Variants in TSPAN8 observed in about 807,000 individuals in gnomAD.
TSPAN8 encodes tetraspanin-8.
In TSPAN8, 21 loss-of-function variants were observed where a neutral mutation model predicts 32.8. The ratio of observed to expected loss-of-function variants is 0.64; its 90% CI spans 0.45 to 0.92. The LOEUF is 0.92. Ranked by LOEUF, TSPAN8 falls within the 40% of genes least tolerant of loss-of-function variation. The pLI is 0.00. For synonymous variants in TSPAN8, 95 were observed against 94.6 expected, an observed-to-expected ratio of 1.00 and a Z score of -0.03; for missense variants, 269 against 281.9, an observed-to-expected ratio of 0.95 and a Z score of 0.33.
chr12:71,125,383 A>G lies in TSPAN8; in HGVS notation c.665T>C (p.Leu222Pro), dbSNP rs1424716198. The stretch of plus-strand genomic sequence containing the variant: ...CAGGACCATAGAAAACACCAAACCC[A>G]GTATCTAGAGAACAAAATAACAGGA... Reference protein sequence around the residue: ...ISFGLAVIEILGLVFSMVLYC... With the variant: ...ISFGLAVIEIPGLVFSMVLYC... Residue 222 changes from leucine to proline, a missense_variant, in exon 9 of 9, where the codon CTG (leucine) becomes CCG (proline). By Grantham distance (98) the Leu-to-Pro change is moderately conservative (BLOSUM62 -3). Coordinates refer to ENST00000247829, the MANE Select transcript of TSPAN8 (RefSeq NM_004616.3). 1 of 1,611,736 alleles carries G rather than the reference A, an allele frequency of 6.2e-7. No homozygotes were observed. Among genetic ancestry groups the G allele is most frequent in the Non-Finnish European group, 8.5e-7 (1 of 1,179,160 alleles).
chr12:71,143,461 T>G (rs1177976343), intron 3 of TSPAN8, among the ~76,000 whole-genome samples: 2 of 152,142 alleles, frequency 1.3e-5, no homozygotes, highest in Non-Finnish European at 2.9e-5. Flanking sequence ...CCTCCAGACC[T>G]GTAGATCTGG....
At chr12:71,134,963 C>A (rs1384082108) in intron 6 of TSPAN8, among the ~76,000 whole-genome samples, 1 of 152,122 alleles carries the variant, frequency 6.6e-6, no homozygotes, top group African/African-American at 2.4e-5. Flanking sequence ...TGATACAACG[C>A]CTCTAGACAA....
intron 8 of TSPAN8, among the ~76,000 whole-genome samples, chr12:71,128,132 C>A (rs1871400519): frequency 6.6e-6 from 1 of 152,088 alleles, no homozygotes; most frequent in Non-Finnish European, 1.5e-5. Context: ...TATATCAGAC[C>A]TAAAGAAAGA....
chr12:71,133,337 A>C (rs1222251468), intron 6 of TSPAN8, among the ~76,000 whole-genome samples: 1 of 152,120 alleles, frequency 6.6e-6, no homozygotes, highest in Non-Finnish European at 1.5e-5. Flanking sequence ...TGTCCACCTC[A>C]GCCTCCCAAA....
At chr12:71,155,873 A>G (rs1370146151) in intron 2 of TSPAN8, among the ~76,000 whole-genome samples, 1 of 151,894 alleles carries the variant, frequency 6.6e-6, no homozygotes, top group Non-Finnish European at 1.5e-5. Context: ...CTGGGACTAC[A>G]GGGGCGTGCC....
chr12:71,134,504 C>T (rs1367883767), intron 6 of TSPAN8, among the ~76,000 whole-genome samples: 1 of 152,138 alleles, frequency 6.6e-6, no homozygotes, highest in African/African-American at 2.4e-5. Context: ...GACTGAGTTA[C>T]ACAAAAACAT....
At chr12:71,135,510 G>A (rs528215358) in intron 6 of TSPAN8, among the ~76,000 whole-genome samples, 1 of 63,728 alleles carries the variant, frequency 1.6e-5, no homozygotes, top group Non-Finnish European at 4.0e-5. Context: ...GGAAGAAGGA[G>A]GAGGAGAAGG....
At position 71,146,397 on chromosome 12, in the gene TSPAN8, T is replaced by C. The variant is rs1282921978; in HGVS notation, c.61-2184A>G. 3.3e-5 allele frequency among the ~76,000 whole-genome samples: 5 copies of C among 152,192 alleles called. No homozygotes were observed. The South Asian group carries it at 1.0e-3, about 32-fold the overall frequency. ...TGACTTTGAAAGTCAATTTATTTTCTATCAAGAATGACCATCCTAGAGTCA... is the reference window on the plus strand; with the variant it reads ...TGACTTTGAAAGTCAATTTATTTTCCATCAAGAATGACCATCCTAGAGTCA... On this transcript the variant is annotated intron_variant, in intron 2 of 8. Coordinates refer to ENST00000247829, the MANE Select transcript of TSPAN8 (RefSeq NM_004616.3).
intron 2 of TSPAN8, among the ~76,000 whole-genome samples, chr12:71,149,745 C>A (rs1872188227): frequency 6.6e-6 from 1 of 152,304 alleles, no homozygotes; most frequent in South Asian, 2.1e-4. Context: ...CCTCAGGACC[C>A]TGTGATAATT....
intron 3 of TSPAN8, among the ~76,000 whole-genome samples, chr12:71,142,105 C>T (rs1871920511): frequency 6.6e-6 from 1 of 152,182 alleles, no homozygotes; most frequent in Non-Finnish European, 1.5e-5. Flanking sequence ...ACAAAAAATT[C>T]AGCTCTTTGC....
At chr12:71,131,430 T>G (rs1022662077) in intron 7 of TSPAN8, among the ~76,000 whole-genome samples, 3 of 152,100 alleles carry the variant, frequency 2.0e-5, no homozygotes, top group African/African-American at 7.2e-5. Flanking sequence ...GTGAAAAAGA[T>G]CAGTAGTCAA....
At chr12:71,151,067 T>C (rs1872237193) in intron 2 of TSPAN8, among the ~76,000 whole-genome samples, 1 of 114,718 alleles carries the variant, frequency 8.7e-6, no homozygotes. Context: ...GTGCATCTTA[T>C]TTTTTTTTTT....
chr12:71,156,011 G>A (rs914389095), intron 2 of TSPAN8, among the ~76,000 whole-genome samples: 5 of 151,974 alleles, frequency 3.3e-5, no homozygotes, highest in Non-Finnish European at 7.4e-5. Context: ...GATTACAGGC[G>A]TGAGCCACTG....
At chr12:71,127,575 T>C (rs1465438951) in intron 8 of TSPAN8, among the ~76,000 whole-genome samples, 4 of 152,202 alleles carry the variant, frequency 2.6e-5, no homozygotes, top group Non-Finnish European at 2.9e-5. Flanking sequence ...AATTACTGTA[T>C]AGAATGTTTG....
rs1263672219 is a variant in TSPAN8 at position 71,157,977 on chromosome 12, C to T, written c.-157G>A. On this transcript the variant is annotated 5_prime_UTR_variant, in exon 1 of 9. Transcript: ENST00000247829. Reference sequence around the variant, plus strand: ...ATCTCCAGGCAAGTATGTTCCTTTGCTTGTCATAGCTCCTGGGGCACTGGG... The same window carrying T: ...ATCTCCAGGCAAGTATGTTCCTTTGTTTGTCATAGCTCCTGGGGCACTGGG... 2.9e-6 allele frequency: 1 copy of T among 342,700 alleles called. No homozygotes were observed. The highest frequency in any genetic ancestry group is 2.1e-5 in the African/African-American group (1 of 48,286). 21.2% of individuals were successfully genotyped at this position (342,700 alleles called of 1,614,324 possible). A position where few individuals can be genotyped will look rare whatever the true frequency, so the allele number is the denominator to read the frequency against.
At chr12:71,152,558 A>T (rs1486889188) in intron 2 of TSPAN8, among the ~76,000 whole-genome samples, 1 of 152,200 alleles carries the variant, frequency 6.6e-6, no homozygotes, top group Non-Finnish European at 1.5e-5. Flanking sequence ...ACAGATGAGG[A>T]CAAATAAAGC....
intron 6 of TSPAN8, among the ~76,000 whole-genome samples, chr12:71,135,297 G>C (rs1871654778): frequency 7.4e-6 from 1 of 134,316 alleles, no homozygotes; most frequent in Non-Finnish European, 1.6e-5. Flanking sequence ...GAAGAAGGAG[G>C]AGGGGGAGGG....
chr12:71,129,490 C>T, intron 7 of TSPAN8, 76 bp from the exon 8 acceptor site: 4 of 1,371,424 alleles, frequency 2.9e-6, no homozygotes, highest in Non-Finnish European at 2.9e-6. Context: ...TTTTATTAAT[C>T]TGGTTGACTT....
chr12:71,151,295 C>A (rs1315665305), intron 2 of TSPAN8, among the ~76,000 whole-genome samples: 1 of 152,110 alleles, frequency 6.6e-6, no homozygotes, highest in Non-Finnish European at 1.5e-5. Context: ...GATCTCCTGA[C>A]CTTGTGATCC....
Sources: allele counts gnomAD v4.1 joint callset (sites outside exome capture counted in the v4.1 genomes callset), GRCh38; gene constraint gnomAD v4.1.1; transcripts MANE v1.5; gene names NCBI Gene and HGNC (gene_info 2026-07-23, HGNC 2026-07-21).